Variants in CTDSPL observed in about 807,000 individuals in gnomAD.
CTDSPL encodes CTD small phosphatase like.
Under a neutral mutation model 30.5 loss-of-function variants are expected in CTDSPL, and 8 were observed. The observed-to-expected ratio is 0.26, with a 90% confidence interval of 0.15 to 0.47. The LOEUF (loss-of-function observed/expected upper bound fraction) is 0.47, where lower values mean the gene tolerates loss of function less well. CTDSPL is among the 20% of genes least tolerant of loss of function. CTDSPL has a pLI of 0.99. For missense variants in CTDSPL, 248 were observed against 366.1 expected (o/e 0.68, Z 2.63); for synonymous variants, 110 against 137.9 (o/e 0.80, Z 1.42).
rs1206056673 is a variant in CTDSPL, at chr3:37,984,301, G to T, written c.*3434G>T. The stretch of plus-strand genomic sequence containing the variant: ...CCCCACCCCGGGTAGTGGAGATGCT[G>T]GTGTCTGGGTAGTCATGGATTTCTG... On this transcript the variant is annotated 3_prime_UTR_variant, in exon 8 of 8. Transcript: ENST00000273179. The T allele has an allele frequency of 8.8e-6, 4 of 456,702 alleles. No individual in the cohort carries two copies. The highest frequency in any genetic ancestry group is 1.8e-5 in the Non-Finnish European group (4 of 227,018). 28.3% of individuals were successfully genotyped at this position (456,702 alleles called of 1,614,324 possible). A position where few individuals can be genotyped will look rare whatever the true frequency, so the allele number is the denominator to read the frequency against.
At chr3:37,898,198 A>G (rs1698409428) in intron 1 of CTDSPL, among the ~76,000 whole-genome samples, 1 of 152,180 alleles carries the variant, frequency 6.6e-6, no homozygotes, top group South Asian at 2.1e-4. Context: ...CCCCAGAATG[A>G]AAGATCTCAG....
intron 1 of CTDSPL, among the ~76,000 whole-genome samples, chr3:37,930,116 G>GAAA (rs758743705): frequency 0.1 from 11,966 of 119,834 alleles, 1,017 homozygotes; most frequent in African/African-American, 0.25. Context: ...CAAAAAAAAA[G>GAAA]AAAAAAAAAA....
intron 4 of CTDSPL, among the ~76,000 whole-genome samples, chr3:37,965,779 T>C (rs1403488605): frequency 6.6e-6 from 1 of 152,126 alleles, no homozygotes; most frequent in Non-Finnish European, 1.5e-5. Context: ...AGCCAGAAAA[T>C]TGTCTTTGAG....
intron 1 of CTDSPL, among the ~76,000 whole-genome samples, chr3:37,942,274 T>C (rs1698987200): frequency 6.6e-6 from 1 of 150,550 alleles, no homozygotes; most frequent in African/African-American, 2.4e-5. Flanking sequence ...AATCCAGCCT[T>C]TGATCCAGCG....
intron 3 of CTDSPL, among the ~76,000 whole-genome samples, chr3:37,960,533 TATAC>T (rs1442511168): frequency 1.9e-3 from 63 of 33,556 alleles, no homozygotes; most frequent in South Asian, 5.5e-3. Context: ...TATATATATA[TATAC>T]ACACACACAC....
chr3:37,950,031 G>T (rs116415650), intron 2 of CTDSPL, among the ~76,000 whole-genome samples: 1 of 152,242 alleles, frequency 6.6e-6, no homozygotes, highest in Non-Finnish European at 1.5e-5. Context: ...CTGGCGGATC[G>T]CCTTGGAAAG....
intron 1 of CTDSPL, among the ~76,000 whole-genome samples, chr3:37,920,771 T>TA (rs1398423809): frequency 6.6e-6 from 1 of 152,266 alleles, no homozygotes; most frequent in Non-Finnish European, 1.5e-5. Context: ...TCAGTAGCTC[T>TA]AGGGGATGTA....
intron 1 of CTDSPL, among the ~76,000 whole-genome samples, chr3:37,905,530 G>A (rs1322766364): frequency 6.6e-6 from 1 of 152,178 alleles, no homozygotes; most frequent in Non-Finnish European, 1.5e-5. Flanking sequence ...AAGTAGGCTG[G>A]GAGAATACTC....
At chr3:37,962,796 C>G (rs575465455) in intron 3 of CTDSPL, among the ~76,000 whole-genome samples, 1 of 152,294 alleles carries the variant, frequency 6.6e-6, no homozygotes, top group Admixed American at 6.5e-5. Context: ...GTGTTTTACT[C>G]TCATAGGTCT....
rs148275193 is a variant in CTDSPL, at chr3:37,896,358, G to A, written c.79+34080G>A. Among the ~76,000 whole-genome samples, 649 of 152,266 alleles carry A rather than the reference G, an allele frequency of 4.3e-3. 23 individuals are homozygous for A. The South Asian group carries it at 0.077, about 18-fold the overall frequency. ...CAGGACAGAGGGCATCACCAAGGGG[G>A]CGGAAGGATATCCAAGGTGCAGGAG... On this transcript the variant is annotated intron_variant, in intron 1 of 7. Coordinates refer to ENST00000273179, the MANE Select transcript of CTDSPL (RefSeq NM_001008392.2).
intron 3 of CTDSPL, among the ~76,000 whole-genome samples, chr3:37,963,580 G>T (rs1699266290): frequency 6.6e-6 from 1 of 152,126 alleles, no homozygotes; most frequent in African/African-American, 2.4e-5. Context: ...AAATTAATTA[G>T]TTAACTCTGG....
chr3:37,870,474 T>G (rs1698059908), intron 1 of CTDSPL, among the ~76,000 whole-genome samples: 1 of 152,164 alleles, frequency 6.6e-6, no homozygotes, highest in Admixed American at 6.5e-5. Flanking sequence ...CAATCTTGCT[T>G]GAGGTTTCTC....
At chr3:37,921,513 G>A (rs973889921) in intron 1 of CTDSPL, among the ~76,000 whole-genome samples, 32 of 152,258 alleles carry the variant, frequency 2.1e-4, no homozygotes, top group African/African-American at 7.2e-4. Flanking sequence ...CCTGAGGACA[G>A]GAACAGTTCC....
chr3:37,961,868 G>A (rs1699248711), intron 3 of CTDSPL, among the ~76,000 whole-genome samples: 1 of 152,270 alleles, frequency 6.6e-6, no homozygotes, highest in South Asian at 2.1e-4. Context: ...GGCACTCCAA[G>A]AGGAAATAAG....
chr3:37,956,417 A>G (rs140830373), intron 2 of CTDSPL, among the ~76,000 whole-genome samples: 1 of 152,386 alleles, frequency 6.6e-6, no homozygotes, highest in African/African-American at 2.4e-5. Flanking sequence ...AAACTTTTTT[A>G]TTAGCATTTC....
At position 37,963,751 on chromosome 3, in the gene CTDSPL, A is replaced by T. The variant is rs181343784; in HGVS notation, c.268-820A>T. Among the ~76,000 whole-genome samples, 27 of 152,286 alleles carry T rather than the reference A, an allele frequency of 1.8e-4. No individual in the cohort carries two copies. The East Asian group carries it at 2.3e-3, about 13-fold the overall frequency. ...CCCAGCATTTTATTAACTCTTTATG[A>T]CTTCTTTATCACGAGATTTGAGTCA... On this transcript the variant is annotated intron_variant, in intron 3 of 7. Transcript: ENST00000273179.
At chr3:37,918,175 A>G (rs960378967) in intron 1 of CTDSPL, among the ~76,000 whole-genome samples, 29 of 152,160 alleles carry the variant, frequency 1.9e-4, no homozygotes, top group Admixed American at 8.5e-4. Context: ...ACCTGGGCCT[A>G]AGGTACAGTC....
At chr3:37,962,464 G>A (rs915172170) in intron 3 of CTDSPL, among the ~76,000 whole-genome samples, 5 of 152,090 alleles carry the variant, frequency 3.3e-5, no homozygotes, top group Admixed American at 6.5e-5. Flanking sequence ...CTCTTAGATC[G>A]TACCATGAGG....
intron 2 of CTDSPL, among the ~76,000 whole-genome samples, chr3:37,951,938 T>A (rs1699114661): frequency 6.6e-6 from 1 of 152,106 alleles, no homozygotes; most frequent in South Asian, 2.1e-4. Context: ...CAAGACTACA[T>A]CAGATTGGTT....
Sources: gnomAD v4.1 joint callset for allele counts (sites outside exome capture counted in the v4.1 genomes callset) on GRCh38, gnomAD v4.1.1 for gene constraint, MANE v1.5 for transcripts, NCBI Gene and HGNC (gene_info 2026-07-23, HGNC 2026-07-21) for gene names.